MGA: variants seen among roughly 807,000 people sequenced by gnomAD.
The protein encoded by MGA is MAX dimerization protein MGA.
MGA carries 40 observed loss-of-function variants against 261.1 expected under a neutral mutation model. The ratio of observed to expected loss-of-function variants is 0.15; its 90% confidence interval spans 0.12 to 0.20. The LOEUF (loss-of-function observed/expected upper bound fraction) is 0.20, where lower values mean the gene tolerates loss of function less well. MGA is among the 10% of genes least tolerant of loss of function. The pLI is 1.00. For missense variants in MGA, 3,397 were observed against 3,630.5 expected, an observed-to-expected ratio of 0.94 and a Z score of 1.65; for synonymous variants, 1,302 against 1,290.6, an observed-to-expected ratio of 1.01 and a Z score of -0.19.
intron 5 of MGA, among the ~76,000 whole-genome samples, chr15:41,700,436 C>G (rs1458430846): frequency 1.3e-5 from 2 of 152,118 alleles, no homozygotes; most frequent in Non-Finnish European, 2.9e-5. Flanking sequence ...TGATGTTCCC[C>G]TCCTTGCATC....
chr15:41,683,679 A>G (rs975262292), intron 2 of MGA, among the ~76,000 whole-genome samples: 2 of 151,354 alleles, frequency 1.3e-5, no homozygotes, highest in African/African-American at 4.9e-5. Context: ...CCTGGGGTCA[A>G]GTGATCATCC....
chr15:41,742,174 T>C (rs1011141111), intron 14 of MGA, among the ~76,000 whole-genome samples: 2 of 150,920 alleles, frequency 1.3e-5, no homozygotes, highest in Non-Finnish European at 3.0e-5. Flanking sequence ...GATCACCTGA[T>C]GTCGGGAGTT....
chr15:41,633,190 C>T (rs2056628382), intron 1 of MGA, among the ~76,000 whole-genome samples: 1 of 152,066 alleles, frequency 6.6e-6, no homozygotes, highest in East Asian at 1.9e-4. Flanking sequence ...ACCTTGTGAT[C>T]CCCCCTGCCT....
chr15:41,722,740 G>GTA (rs1287832437), intron 9 of MGA, among the ~76,000 whole-genome samples: 1 of 152,152 alleles, frequency 6.6e-6, no homozygotes, highest in Admixed American at 6.6e-5. Context: ...TTAGTGTGCT[G>GTA]TATTAGCATG....
At position 41,764,869 on chromosome 15, in the gene MGA, T is replaced by C; in HGVS notation, c.7745-17T>C. On this transcript the variant is annotated splice_polypyrimidine_tract_variant and intron_variant, in intron 22 of 23. Transcript: ENST00000219905. The stretch of plus-strand genomic sequence containing the variant: ...GAATGCCTTTTATCTATAACTAATT[T>C]CTGATCTTTCTTACAGAAAATACCT... 1 of 1,613,080 alleles carries C rather than the reference T, an allele frequency of 6.2e-7. No homozygotes were observed. The highest frequency in any genetic ancestry group is 8.5e-7 in the Non-Finnish European group (1 of 1,179,138).
At chr15:41,623,959 T>G (rs886120725) in intron 1 of MGA, among the ~76,000 whole-genome samples, 4 of 151,208 alleles carry the variant, frequency 2.6e-5, no homozygotes, top group Middle Eastern at 3.4e-3. Context: ...TGAGGCGGGG[T>G]TTCACCGTGT....
In MGA at chr15:41,715,137, C is replaced by CTT. The variant is rs766195852; in HGVS notation, c.3430+1655_3430+1656dup. Among the ~76,000 whole-genome samples the CTT allele has an allele frequency of 5.4e-3, 674 of 124,534 alleles. 5 individuals are homozygous for CTT. Among genetic ancestry groups the CTT allele is most frequent in the Non-Finnish European group, 8.3e-3 (503 of 60,640 alleles). 81.7% of individuals were successfully genotyped at this position (124,534 alleles called of 152,430 possible). A position where few individuals can be genotyped will look rare whatever the true frequency, so the allele number is the denominator to read the frequency against. On this transcript the variant is annotated intron_variant, in intron 9 of 23. Transcript: ENST00000219905. ...AGTCTTTTCTTTTTATGGTTTCTGT[C>CTT]TTTTTTTTTTTTTTTCTTTTTTCTT...
intron 13 of MGA, among the ~76,000 whole-genome samples, chr15:41,739,011 C>A (rs1396023791): frequency 1.3e-5 from 2 of 152,116 alleles, no homozygotes; most frequent in African/African-American, 4.8e-5. Context: ...CTCCCCCAAC[C>A]CCCGATTTTG....
chr15:41,705,705 G>C (rs2060071397), intron 5 of MGA, among the ~76,000 whole-genome samples: 1 of 152,178 alleles, frequency 6.6e-6, no homozygotes, highest in Non-Finnish European at 1.5e-5. Context: ...GCTTTACAGA[G>C]AAAGTGCAGT....
chr15:41,740,708 T>A (rs935772477), intron 14 of MGA, among the ~76,000 whole-genome samples: 2 of 152,228 alleles, frequency 1.3e-5, no homozygotes, highest in Non-Finnish European at 2.9e-5. Context: ...TGATACTTCT[T>A]AAACTTATGA....
At chr15:41,731,259 A>G (rs1245147656) in intron 11 of MGA, among the ~76,000 whole-genome samples, 1 of 152,142 alleles carries the variant, frequency 6.6e-6, no homozygotes, top group East Asian at 1.9e-4. Flanking sequence ...TTCAGATCTC[A>G]TGATAAATAA....
intron 2 of MGA, among the ~76,000 whole-genome samples, chr15:41,674,883 C>G (rs2058293951): frequency 6.6e-6 from 1 of 152,178 alleles, no homozygotes; most frequent in Non-Finnish European, 1.5e-5. Context: ...AGTTCCAGAC[C>G]TCTAGATCAA....
At chr15:41,632,033 C>G (rs2056599751) in intron 1 of MGA, among the ~76,000 whole-genome samples, 1 of 152,094 alleles carries the variant, frequency 6.6e-6, no homozygotes, top group African/African-American at 2.4e-5. Flanking sequence ...CAAGTTGAGA[C>G]AAGTTCAGAC....
chr15:41,700,298 G>A (rs1323425042), intron 5 of MGA, among the ~76,000 whole-genome samples: 5 of 151,774 alleles, frequency 3.3e-5, no homozygotes, highest in Admixed American at 6.6e-5. Context: ...TGCCCGCCTC[G>A]GCCTCCCAAA....
chr15:41,681,655 T>G (rs1318935280), intron 2 of MGA, among the ~76,000 whole-genome samples: 3 of 151,954 alleles, frequency 2.0e-5, no homozygotes, highest in Admixed American at 6.6e-5. Context: ...TCACCATGTT[T>G]CCCAGGCTGG....
intron 5 of MGA, among the ~76,000 whole-genome samples, chr15:41,707,481 C>T (rs2060181156): frequency 6.6e-6 from 1 of 152,176 alleles, no homozygotes; most frequent in African/African-American, 2.4e-5. Context: ...AAATTACAGG[C>T]CCTGCCTACC....
chr15:41,753,541 T>G (rs1185100474), intron 17 of MGA, among the ~76,000 whole-genome samples: 1 of 152,190 alleles, frequency 6.6e-6, no homozygotes, highest in African/African-American at 2.4e-5. Context: ...CTTTGACTCC[T>G]TTTTTGGTAT....
chr15:41,657,870 A>C (rs62003900), upstream of MGA, among the ~76,000 whole-genome samples: 83,794 of 151,902 alleles, frequency 0.55, 25,065 homozygotes, highest in Middle Eastern at 0.72. Context: ...TCAGAACCGA[A>C]AGGATTGGAT....
At chr15:41,754,618 A>G (rs1366045877) in intron 18 of MGA, 51 bp downstream of exon 18, 10 of 1,485,432 alleles carry the variant, frequency 6.7e-6, no homozygotes, top group Non-Finnish European at 8.1e-6. Context: ...TGTAACCAGA[A>G]ACAAAATGAG....
Sources: gnomAD v4.1 joint callset for allele counts (sites outside exome capture counted in the v4.1 genomes callset) on GRCh38, gnomAD v4.1.1 for gene constraint, MANE v1.5 for transcripts, NCBI Gene and HGNC (gene_info 2026-07-23, HGNC 2026-07-21) for gene names.